The following BRINP2 variants were observed in gnomAD, a reference collection of about 807,000 sequenced individuals.
BRINP2 encodes the protein BMP/retinoic acid-inducible neural-specific protein 2.
A neutral mutation model predicts 69.2 loss-of-function variants in BRINP2; 21 were observed. The observed-to-expected ratio is 0.30, with a 90% CI of 0.22 to 0.44. The LOEUF (loss-of-function observed/expected upper bound fraction) is 0.44. Ranked by LOEUF, BRINP2 falls within the 20% of genes least tolerant of loss-of-function variation. BRINP2 has a pLI of 1.00. For missense variants in BRINP2, 877 were observed against 986.0 expected (o/e 0.89, Z 1.48); for synonymous variants, 380 against 394.1 (o/e 0.96, Z 0.42).
intron 1 of BRINP2, among the ~76,000 whole-genome samples, chr1:177,175,713 C>T (rs1648069627): frequency 6.6e-6 from 1 of 152,178 alleles, no homozygotes; most frequent in African/African-American, 2.4e-5. Context: ...TGTTTGTTTG[C>T]TTAGCCCTAG....
rs530963779 is a variant in BRINP2, at chr1:177,276,765, G to A, written c.1012+331G>A. ...AGAGCAATGCTTGCACATAAGGTTC[G>A]CTATAAATATCTGTTGAATCAATGA... On this transcript the variant is annotated intron_variant, in intron 6 of 7. Transcript: ENST00000361539. Among the ~76,000 whole-genome samples, 8 of 152,300 alleles carry A rather than the reference G, an allele frequency of 5.3e-5. No individual in the cohort carries two copies. The South Asian group carries it at 1.0e-3, about 20-fold the overall frequency.
chr1:177,232,498 G>A (rs917001555), intron 2 of BRINP2, among the ~76,000 whole-genome samples: 2 of 152,180 alleles, frequency 1.3e-5, no homozygotes, highest in African/African-American at 4.8e-5. Context: ...GTGACCTTTT[G>A]GTGGGGCAGA....
rs185320320 is a variant in BRINP2 at position 177,193,355 on chromosome 1, G to T, written c.-77+21623G>T. Among the ~76,000 whole-genome samples the T allele has an allele frequency of 8.3e-4, 126 of 152,290 alleles. 1 individual carries two copies. Among genetic ancestry groups the T allele is most frequent in the Non-Finnish European group, 1.4e-3 (92 of 68,026 alleles). The stretch of plus-strand genomic sequence containing the variant: ...TTGCAAGCTATTTCTCAGGCTGTGA[G>T]GGGGAGGGATTAGAGAGACAATTAG... On this transcript the variant is annotated intron_variant, in intron 1 of 7. Transcript: ENST00000361539.
intron 1 of BRINP2, among the ~76,000 whole-genome samples, chr1:177,197,384 T>C (rs1399100362): frequency 6.6e-6 from 1 of 152,072 alleles, no homozygotes; most frequent in Non-Finnish European, 1.5e-5. Context: ...TATGATCCAA[T>C]CACCTCCCAA....
chr1:177,222,729 A>G (rs1009087932), intron 1 of BRINP2, among the ~76,000 whole-genome samples: 1 of 152,094 alleles, frequency 6.6e-6, no homozygotes, highest in African/African-American at 2.4e-5. Context: ...AAAAACAAAC[A>G]AAAAAACAGA....
At chr1:177,175,500 G>A (rs776645067) in intron 1 of BRINP2, among the ~76,000 whole-genome samples, 2 of 152,224 alleles carry the variant, frequency 1.3e-5, no homozygotes, top group Non-Finnish European at 2.9e-5. Flanking sequence ...CGCAGGGCCT[G>A]TGAGAGGACT....
intron 2 of BRINP2, among the ~76,000 whole-genome samples, chr1:177,236,657 A>T (rs1650036712): frequency 1.3e-5 from 2 of 152,206 alleles, no homozygotes; most frequent in African/African-American, 4.8e-5. Context: ...AATAAAAGGT[A>T]ACACATAGGC....
chr1:177,248,100 G>A (rs1401708504), intron 2 of BRINP2, among the ~76,000 whole-genome samples: 3 of 152,122 alleles, frequency 2.0e-5, no homozygotes, highest in Non-Finnish European at 4.4e-5. Flanking sequence ...TAAAAAACTG[G>A]AAACAGAATA....
intron 2 of BRINP2, among the ~76,000 whole-genome samples, chr1:177,250,126 G>T (rs1650534528): frequency 6.6e-6 from 1 of 152,082 alleles, no homozygotes; most frequent in African/African-American, 2.4e-5. Context: ...GCCTGGGCTG[G>T]ACTCAAACTC....
At chr1:177,186,557 C>A (rs1474735775) in intron 1 of BRINP2, among the ~76,000 whole-genome samples, 2 of 151,948 alleles carry the variant, frequency 1.3e-5, no homozygotes, top group African/African-American at 4.8e-5. Flanking sequence ...CTTGTCTGTG[C>A]CTTCAAAGAT....
intron 1 of BRINP2, among the ~76,000 whole-genome samples, chr1:177,182,104 C>G (rs998722247): frequency 6.7e-6 from 1 of 150,122 alleles, no homozygotes; most frequent in Non-Finnish European, 1.5e-5. Context: ...GTCCTGGTGC[C>G]GTCCCTCCCT....
chr1:177,238,861 T>A lies in BRINP2; in HGVS notation c.269+8716T>A, dbSNP rs185067825. 6.7e-4 allele frequency among the ~76,000 whole-genome samples: 102 copies of A among 152,340 alleles called. 1 individual carries two copies. Among genetic ancestry groups the A allele is most frequent in the African/African-American group, 2.3e-3 (95 of 41,584 alleles). On this transcript the variant is annotated intron_variant, in intron 2 of 7. Coordinates refer to ENST00000361539, the MANE Select transcript of BRINP2 (RefSeq NM_021165.4). ...ATATTAAATGCTCATCATATGCACA[T>A]TTTACTAAGTACTTTATTAACATTA... is the stretch of plus-strand genomic sequence containing the variant.
intron 2 of BRINP2, among the ~76,000 whole-genome samples, chr1:177,242,551 C>G (rs1243132562): frequency 6.6e-6 from 1 of 152,148 alleles, no homozygotes. Context: ...TCAAACTCAT[C>G]TAAATTATCA....
intron 4 of BRINP2, among the ~76,000 whole-genome samples, chr1:177,269,193 C>T (rs879302815): frequency 3.3e-5 from 5 of 152,226 alleles, no homozygotes; most frequent in Non-Finnish European, 7.3e-5. Flanking sequence ...CTAGGGCTGC[C>T]ATCCCTTCTG....
intron 1 of BRINP2, among the ~76,000 whole-genome samples, chr1:177,200,908 T>C (rs1316898604): frequency 6.6e-6 from 1 of 152,196 alleles, no homozygotes; most frequent in Non-Finnish European, 1.5e-5. Context: ...TCATTATTTA[T>C]AAAACAGGTA....
At chr1:177,241,471 C>T (rs752461381) in intron 2 of BRINP2, among the ~76,000 whole-genome samples, 6 of 152,150 alleles carry the variant, frequency 3.9e-5, no homozygotes, top group Non-Finnish European at 5.9e-5. Context: ...GACTCGTTAG[C>T]GCTTTGTAAC....
chr1:177,172,353 T>C (rs1370752663), intron 1 of BRINP2, among the ~76,000 whole-genome samples: 1 of 152,218 alleles, frequency 6.6e-6, no homozygotes, highest in Non-Finnish European at 1.5e-5. Context: ...AGAACATTGC[T>C]GTGCTGAAAG....
chr1:177,194,931 G>A (rs1057350340), intron 1 of BRINP2, among the ~76,000 whole-genome samples: 6 of 152,010 alleles, frequency 3.9e-5, no homozygotes, highest in Admixed American at 6.5e-5. Context: ...TCACCTTCCG[G>A]GCCTCATAAC....
intron 2 of BRINP2, among the ~76,000 whole-genome samples, chr1:177,246,948 T>C (rs1015944875): frequency 1.3e-5 from 2 of 152,220 alleles, no homozygotes; most frequent in East Asian, 3.9e-4. Context: ...AAGTATGATA[T>C]ATCCTTAAGC....
Sources: gnomAD v4.1 joint callset for allele counts (sites outside exome capture counted in the v4.1 genomes callset) on GRCh38, gnomAD v4.1.1 for gene constraint, MANE v1.5 for transcripts, NCBI Gene and HGNC (gene_info 2026-07-23, HGNC 2026-07-21) for gene names.